Variants in RPAP2 observed in about 807,000 individuals in gnomAD.
RPAP2 encodes the protein RNA polymerase II associated protein 2.
Under a neutral mutation model 73.1 loss-of-function variants are expected in RPAP2, and 52 were observed. That is an observed-to-expected ratio of 0.71 (90% CI 0.57 to 0.90). The LOEUF (loss-of-function observed/expected upper bound fraction) is 0.90. Among genes scored for constraint, RPAP2 ranks in the 40% least tolerant of loss-of-function variants. The pLI, the probability that RPAP2 is intolerant of heterozygous loss-of-function variation, is 0.00. For synonymous variants in RPAP2, 225 were observed against 242.1 expected, an observed-to-expected ratio of 0.93 and a Z score of 0.65; for missense variants, 598 against 701.8, an observed-to-expected ratio of 0.85 and a Z score of 1.67.
rs958116437 is a variant in RPAP2, at chr1:92,400,494, T to C, written c.*13483T>C. The C allele has an allele frequency of 3.3e-5, 5 of 152,182 alleles. No homozygotes were observed. Among genetic ancestry groups the C allele is most frequent in the African/African-American group, 1.2e-4 (5 of 41,436 alleles). 9.4% of individuals were successfully genotyped at this position (152,182 alleles called of 1,614,324 possible). A position where few individuals can be genotyped will look rare whatever the true frequency, so the allele number is the denominator to read the frequency against. ...ACCACCATACCCAGCTAATATTTTT[T>C]TTAATTTTATATTTTTTAGAGACAG... On this transcript the variant is annotated 3_prime_UTR_variant, in exon 13 of 13. Coordinates refer to ENST00000610020, the MANE Select transcript of RPAP2 (RefSeq NM_024813.3).
At position 92,329,847 on chromosome 1, in the gene RPAP2, G is replaced by A. The variant is rs372108677; in HGVS notation, c.1456-3544G>A. ...TATTTTCAGAATGAGTGACATTAGC[G>A]TATGAATTGGTCATGGTCTCATCAT... On this transcript the variant is annotated intron_variant, in intron 8 of 12. Coordinates refer to ENST00000610020, the MANE Select transcript of RPAP2 (RefSeq NM_024813.3). Among the ~76,000 whole-genome samples the A allele has an allele frequency of 4.6e-5, 7 of 152,262 alleles. No individual in the cohort carries two copies. The South Asian group carries it at 6.2e-4, about 14-fold the overall frequency.
chr1:92,302,786 G>C (rs12039663), intron 3 of RPAP2, among the ~76,000 whole-genome samples: 1 of 151,682 alleles, frequency 6.6e-6, no homozygotes, highest in Non-Finnish European at 1.5e-5. Flanking sequence ...ATTTTTAGTA[G>C]AGATGGGATT....
In RPAP2 at chr1:92,352,256, T is replaced by C. The variant is rs531674186; in HGVS notation, c.1688+6342T>C. Among the ~76,000 whole-genome samples, 5 of 152,126 alleles carry C rather than the reference T, an allele frequency of 3.3e-5. No individual in the cohort carries two copies. The East Asian group carries it at 9.7e-4, about 29-fold the overall frequency. Reference sequence around the variant, plus strand: ...TTGAGTATTCCTGTCGTTCAGGGAGTAGCATGCAAGTCCTGGGAAATGGTA... The same window carrying C: ...TTGAGTATTCCTGTCGTTCAGGGAGCAGCATGCAAGTCCTGGGAAATGGTA... On this transcript the variant is annotated intron_variant, in intron 11 of 12. Transcript: ENST00000610020.
chr1:92,343,689 G>A (rs1653722289), intron 10 of RPAP2, among the ~76,000 whole-genome samples: 1 of 152,222 alleles, frequency 6.6e-6, no homozygotes. Context: ...TTGGAATAGT[G>A]AAGTACACAA....
chr1:92,331,889 T>A (rs979252382), intron 8 of RPAP2, among the ~76,000 whole-genome samples: 15 of 152,166 alleles, frequency 9.9e-5, no homozygotes, highest in African/African-American at 3.6e-4. Flanking sequence ...TTGAAAGATA[T>A]TTTTCTATAT....
intron 9 of RPAP2, among the ~76,000 whole-genome samples, chr1:92,334,848 C>A (rs567967070): frequency 1.3e-5 from 2 of 151,876 alleles, no homozygotes; most frequent in African/African-American, 4.8e-5. Context: ...ATTAGCCGGG[C>A]GTGGTGGCGG....
At chr1:92,322,031 T>C (rs1203169876) in intron 7 of RPAP2, among the ~76,000 whole-genome samples, 4 of 149,658 alleles carry the variant, frequency 2.7e-5, no homozygotes, top group African/African-American at 9.8e-5. Context: ...CTGCAACCTC[T>C]GCCACCTGGG....
intron 10 of RPAP2, among the ~76,000 whole-genome samples, chr1:92,344,139 G>A (rs780843429): frequency 2.6e-4 from 39 of 152,102 alleles, no homozygotes; most frequent in Non-Finnish European, 3.7e-4. Flanking sequence ...GCTGGGCACC[G>A]TAGCTCATAC....
In RPAP2 at chr1:92,373,046, G is replaced by A. The variant is rs139757907; in HGVS notation, c.1689-7678G>A. Reference sequence around the variant, plus strand: ...TGATCTACAGTGTAACAGGCACGACGGATACAGTGGACACAATATATGAAG... The same window carrying A: ...TGATCTACAGTGTAACAGGCACGACAGATACAGTGGACACAATATATGAAG... On this transcript the variant is annotated intron_variant, in intron 11 of 12. Transcript: ENST00000610020. 7.2e-3 allele frequency among the ~76,000 whole-genome samples: 1,091 copies of A among 152,300 alleles called. 14 individuals are homozygous for A. Among genetic ancestry groups the A allele is most frequent in the African/African-American group, 0.025 (1,027 of 41,554 alleles).
chr1:92,329,454 C>A (rs141335711), intron 8 of RPAP2, among the ~76,000 whole-genome samples: 1 of 152,328 alleles, frequency 6.6e-6, no homozygotes, highest in Non-Finnish European at 1.5e-5. Context: ...ACCGTGCCCC[C>A]ACAACAGCAC....
At chr1:92,381,946 T>A (rs1655658349) in intron 12 of RPAP2, among the ~76,000 whole-genome samples, 1 of 120,296 alleles carries the variant, frequency 8.3e-6, no homozygotes, top group African/African-American at 3.2e-5. Context: ...CAGTCCCCGG[T>A]GTGTGATGTT....
intron 8 of RPAP2, among the ~76,000 whole-genome samples, chr1:92,325,882 T>C (rs1374675374): frequency 6.6e-6 from 1 of 152,190 alleles, no homozygotes; most frequent in Non-Finnish European, 1.5e-5. Flanking sequence ...CTGTAGTTCA[T>C]TCTTTTATTG....
Position 92,320,540 on chromosome 1 carries a change from G to A in RPAP2, c.489-59G>A, listed in dbSNP as rs997346052. 9 of 1,452,412 alleles carry A rather than the reference G, an allele frequency of 6.2e-6. No individual in the cohort carries two copies. In the Admixed American group the frequency reaches 1.5e-4, roughly 25 times the overall value. The allele number at this position is 1,452,412 out of a possible 1,614,324, so 90.0% of individuals were successfully genotyped here. On this transcript the variant is annotated intron_variant, in intron 6 of 12. Transcript: ENST00000610020. ...CCTGCCCAGCCTCCGAAAGTGCTGG[G>A]GTTACAGGCATGAGCCACCGCACCC...
chr1:92,374,239 G>A (rs1409896469), intron 11 of RPAP2, among the ~76,000 whole-genome samples: 1 of 152,080 alleles, frequency 6.6e-6, no homozygotes, highest in Non-Finnish European at 1.5e-5. Context: ...TTCTAGGAAG[G>A]GAGGAAGTGA....
chr1:92,336,862 C>A (rs1002343043), intron 10 of RPAP2, among the ~76,000 whole-genome samples: 1 of 151,932 alleles, frequency 6.6e-6, no homozygotes, highest in Non-Finnish European at 1.5e-5. Context: ...AGACAGTGGG[C>A]AATTTAATAT....
intron 10 of RPAP2, among the ~76,000 whole-genome samples, chr1:92,337,485 A>G (rs1653345068): frequency 6.6e-6 from 1 of 152,154 alleles, no homozygotes; most frequent in Admixed American, 6.5e-5. Context: ...GCAAACCTCA[A>G]AAATTATTTG....
At chr1:92,379,905 G>C (rs1318287097) in intron 11 of RPAP2, among the ~76,000 whole-genome samples, 4 of 149,436 alleles carry the variant, frequency 2.7e-5, no homozygotes, top group African/African-American at 9.9e-5. Context: ...TTCCAGCCTG[G>C]GTGACAGAGC....
intron 1 of RPAP2, among the ~76,000 whole-genome samples, chr1:92,299,576 G>A (rs1398710546): frequency 6.6e-6 from 1 of 152,116 alleles, no homozygotes; most frequent in African/African-American, 2.4e-5. Context: ...TTTGGCAGAC[G>A]GAGAGAGGTT....
At position 92,397,506 on chromosome 1, in the gene RPAP2, G is replaced by A. The variant is rs531030161; in HGVS notation, c.*10495G>A. On this transcript the variant is annotated 3_prime_UTR_variant, in exon 13 of 13. Transcript: ENST00000610020. Reference sequence around the variant, plus strand: ...CCCTACAAGTCTAGAGACCTCAGGTGAGGAGCCAGTAGCTCAGTATAGAAA... The same window carrying A: ...CCCTACAAGTCTAGAGACCTCAGGTAAGGAGCCAGTAGCTCAGTATAGAAA... 6.6e-6 allele frequency: 1 copy of A among 152,248 alleles called. No individual in the cohort carries two copies. Among genetic ancestry groups the A allele is most frequent in the East Asian group, 1.9e-4 (1 of 5,180 alleles). The allele number at this position is 152,248 out of a possible 1,614,324, so 9.4% of individuals were successfully genotyped here. A position where few individuals can be genotyped will look rare whatever the true frequency, so the allele number is the denominator to read the frequency against.
Sources: gnomAD v4.1 joint callset for allele counts (sites outside exome capture counted in the v4.1 genomes callset) on GRCh38, gnomAD v4.1.1 for gene constraint, MANE v1.5 for transcripts, NCBI Gene and HGNC (gene_info 2026-07-23, HGNC 2026-07-21) for gene names.